The following CDH12 variants were observed in gnomAD, a reference collection of about 807,000 sequenced individuals.
The protein encoded by CDH12 is cadherin-12.
CDH12 carries 41 observed loss-of-function variants against 74.1 expected under a neutral mutation model. The observed-to-expected ratio is 0.55, with a 90% confidence interval of 0.43 to 0.72. CDH12 has a LOEUF of 0.72. CDH12 is among the 30% of genes least tolerant of loss of function. The pLI, the probability that CDH12 is intolerant of heterozygous loss-of-function variation, is 0.00. For missense variants in CDH12, 945 were observed against 977.2 expected (o/e 0.97, Z 0.44); for synonymous variants, 399 against 355.0 (o/e 1.12, Z -1.39).
At chr5:22,529,184 TATATAGAGAGAGAGAGAGAGAGAG>T (rs1737456462) in intron 1 of CDH12, among the ~76,000 whole-genome samples, 1 of 83,628 alleles carries the variant, frequency 1.2e-5, no homozygotes, top group East Asian at 3.0e-4. Flanking sequence ...TATATATATA[TATATAGAGAGAGAGAGAGAGAGAG>T]AGAGAGAGAG....
At chr5:22,630,422 G>C (rs761374686) in intron 1 of CDH12, among the ~76,000 whole-genome samples, 2 of 152,006 alleles carry the variant, frequency 1.3e-5, no homozygotes, top group Non-Finnish European at 2.9e-5. Context: ...AAACAAAACA[G>C]CATGGTACTG....
chr5:22,762,607 A>G lies in CDH12; in HGVS notation c.-523+90451T>C, dbSNP rs570776641. ...TCAGACCAATTGAATCCACATAGCT[A>G]AAGGATTGGGACTGAGAACTAAGAT... is the stretch of plus-strand genomic sequence containing the variant. On this transcript the variant is annotated intron_variant, in intron 1 of 14. Coordinates refer to ENST00000382254, the MANE Select transcript of CDH12 (RefSeq NM_004061.5). Among the ~76,000 whole-genome samples the G allele has an allele frequency of 5.9e-5, 9 of 151,964 alleles. No homozygotes were observed. In the South Asian group the frequency reaches 6.3e-4, roughly 11 times the overall value.
rs147829132 is a variant in CDH12 at position 21,866,945 on chromosome 5, G to T, written c.527-12155C>A. Among the ~76,000 whole-genome samples the T allele has an allele frequency of 6.1e-3, 931 of 152,202 alleles. 13 individuals carry two copies. The highest frequency in any genetic ancestry group is 0.021 in the African/African-American group (892 of 41,524). On this transcript the variant is annotated intron_variant, in intron 6 of 14. Transcript: ENST00000382254. Reference sequence around the variant, plus strand: ...GCAGTTTAGGGACATGGTGCTCTGTGTCCCAGACACTAAAAAGGGCCAATG... The same window carrying T: ...GCAGTTTAGGGACATGGTGCTCTGTTTCCCAGACACTAAAAAGGGCCAATG...
rs1434585222 is a variant in CDH12 at position 22,490,350 on chromosome 5, C to T, written c.-428+14920G>A. Reference sequence around the variant, plus strand: ...TCCTTCTATACTGATTCTAATTTTGCTACCCTGATTCCAAGAAATCCGTTT... The same window carrying T: ...TCCTTCTATACTGATTCTAATTTTGTTACCCTGATTCCAAGAAATCCGTTT... On this transcript the variant is annotated intron_variant, in intron 2 of 14. Coordinates refer to ENST00000382254, the MANE Select transcript of CDH12 (RefSeq NM_004061.5). 2.0e-5 allele frequency among the ~76,000 whole-genome samples: 3 copies of T among 152,082 alleles called. No homozygotes were observed. In the East Asian group the frequency reaches 5.8e-4, roughly 29 times the overall value.
intron 1 of CDH12, among the ~76,000 whole-genome samples, chr5:22,517,103 C>G (rs1736847094): frequency 6.6e-6 from 1 of 151,790 alleles, no homozygotes; most frequent in East Asian, 1.9e-4. Context: ...ATTTTAAAAA[C>G]AGACCATTAG....
rs570479846 is a variant in CDH12, at chr5:22,806,868, A to G, written c.-523+46190T>C. Among the ~76,000 whole-genome samples, 31 of 152,264 alleles carry G rather than the reference A, an allele frequency of 2.0e-4. No homozygotes were observed. The East Asian group carries it at 5.4e-3, about 27-fold the overall frequency. ...TTTAAGTTATTTGTAGATTCTGGATATTAGCCCTTTGTCAGATGGATAGAT... is the reference window on the plus strand; with the variant it reads ...TTTAAGTTATTTGTAGATTCTGGATGTTAGCCCTTTGTCAGATGGATAGAT... On this transcript the variant is annotated intron_variant, in intron 1 of 14. Transcript: ENST00000382254.
intron 3 of CDH12, among the ~76,000 whole-genome samples, chr5:22,235,582 A>C (rs1752534089): frequency 6.6e-6 from 1 of 152,020 alleles, no homozygotes; most frequent in Non-Finnish European, 1.5e-5. Flanking sequence ...CTGTTTCAAA[A>C]AAAAAAAAAT....
At chr5:22,851,522 C>T (rs1189806104) in intron 1 of CDH12, among the ~76,000 whole-genome samples, 3 of 151,994 alleles carry the variant, frequency 2.0e-5, no homozygotes, top group Admixed American at 6.6e-5. Context: ...TTCTAGAATT[C>T]GATTTTCAAC....
At chr5:22,311,425 C>T (rs765451599) in intron 3 of CDH12, among the ~76,000 whole-genome samples, 8 of 152,082 alleles carry the variant, frequency 5.3e-5, no homozygotes, top group Admixed American at 2.0e-4. Context: ...CAATTGTGGG[C>T]CGGGCGCGGT....
intron 1 of CDH12, among the ~76,000 whole-genome samples, chr5:22,826,523 G>T (rs904792366): frequency 6.6e-6 from 1 of 152,164 alleles, no homozygotes; most frequent in Admixed American, 6.5e-5. Flanking sequence ...AATTTGGAGG[G>T]CTCAGAAGAA....
chr5:22,747,488 GCTGGGTATGGTT>G (rs1745352533), intron 1 of CDH12, among the ~76,000 whole-genome samples: 1 of 150,500 alleles, frequency 6.6e-6, no homozygotes, highest in Non-Finnish European at 1.5e-5. Context: ...ACAAAAATTG[GCTGGGTATGGTT>G]CTGTGTGCCT....
chr5:22,166,225 A>G (rs1317619134), intron 4 of CDH12, among the ~76,000 whole-genome samples: 1 of 152,088 alleles, frequency 6.6e-6, no homozygotes, highest in African/African-American at 2.4e-5. Flanking sequence ...CAAGTTTCAG[A>G]TATGCAAGGA....
intron 1 of CDH12, among the ~76,000 whole-genome samples, chr5:22,647,366 T>C (rs1739496453): frequency 6.6e-6 from 1 of 151,768 alleles, no homozygotes. Context: ...TTTTATTTTA[T>C]TCTCTATATA....
intron 9 of CDH12, among the ~76,000 whole-genome samples, chr5:21,813,950 G>A (rs1259305807): frequency 2.6e-5 from 4 of 152,150 alleles, no homozygotes; most frequent in African/African-American, 9.7e-5. Flanking sequence ...AATGGAAGCT[G>A]AGTATGAGTG....
At chr5:22,294,407 A>C (rs900021212) in intron 3 of CDH12, among the ~76,000 whole-genome samples, 32 of 152,198 alleles carry the variant, frequency 2.1e-4, no homozygotes, top group Middle Eastern at 3.2e-3. Context: ...GTTACCCCCC[A>C]GACACAGGGC....
In CDH12 at chr5:21,823,679, T is replaced by C. The variant is rs539520906; in HGVS notation, c.815-6547A>G. ...CTGTGACTTCTATTTTGAACTGATC[T>C]ACTGTCCTTAAATATCTGCTTAAGT... is the stretch of plus-strand genomic sequence containing the variant. On this transcript the variant is annotated intron_variant, in intron 8 of 14. Coordinates refer to ENST00000382254, the MANE Select transcript of CDH12 (RefSeq NM_004061.5). Among the ~76,000 whole-genome samples, 12 of 152,204 alleles carry C rather than the reference T, an allele frequency of 7.9e-5. No homozygotes were observed. In the East Asian group the frequency reaches 2.3e-3, roughly 30 times the overall value.
intron 1 of CDH12, among the ~76,000 whole-genome samples, chr5:22,730,912 C>A (rs1207694234): frequency 6.6e-6 from 1 of 151,690 alleles, no homozygotes; most frequent in Admixed American, 6.6e-5. Context: ...ATTAGAAATT[C>A]CTTTATGTCG....
chr5:21,838,708 T>C (rs1749675543), intron 8 of CDH12, among the ~76,000 whole-genome samples: 1 of 152,208 alleles, frequency 6.6e-6, no homozygotes, highest in African/African-American at 2.4e-5. Context: ...GATACTCTTT[T>C]CATTTGTTAA....
chr5:22,206,742 T>C (rs1751244441), intron 4 of CDH12, among the ~76,000 whole-genome samples: 1 of 139,398 alleles, frequency 7.2e-6, no homozygotes, highest in Admixed American at 7.2e-5. Context: ...ATATGCAAAG[T>C]ATGCAATGGA....
Sources: allele counts gnomAD v4.1 joint callset (sites outside exome capture counted in the v4.1 genomes callset), GRCh38; gene constraint gnomAD v4.1.1; transcripts MANE v1.5; gene names NCBI Gene and HGNC (gene_info 2026-07-23, HGNC 2026-07-21).